Variants in ZNF875 observed in about 807,000 individuals in gnomAD.
The protein encoded by ZNF875 is zinc finger protein 875.
In ZNF875, 14 loss-of-function variants were observed where a neutral mutation model predicts 11.2. The ratio of observed to expected loss-of-function variants is 1.26; its 90% CI spans 0.83 to 1.96. The LOEUF (loss-of-function observed/expected upper bound fraction) is 1.96, where lower values mean the gene tolerates loss of function less well. Ranked by LOEUF, ZNF875 falls within the 30% of genes most tolerant of loss-of-function variation. ZNF875 has a pLI of 0.00. For missense variants in ZNF875, 752 were observed against 760.4 expected (o/e 0.99, Z 0.13); for synonymous variants, 301 against 281.1 (o/e 1.07, Z -0.71).
rs758372853 is a variant in ZNF875, at chr19:37,362,840, C to T, written c.988C>T (p.Arg330Trp). 1.5e-5 allele frequency: 24 copies of T among 1,612,674 alleles called. No homozygotes were observed. Among genetic ancestry groups the T allele is most frequent in the Middle Eastern group, 3.3e-4 (2 of 6,066 alleles). Residue 330 changes from arginine to tryptophan, a missense_variant, in exon 5 of 5, where the codon CGG becomes TGG. Physicochemically the swap from Arg to Trp is moderately radical, Grantham distance 101. Transcript: ENST00000392153. ...TWKSNLFTHQRTHSGLKPYVC... is the reference protein window; with the variant it reads ...TWKSNLFTHQWTHSGLKPYVC... ...GAAGTCGAACCTCTTTACACATCAG[C>T]GGACACACTCAGGGCTCAAGCCTTA...
chr19:37,323,844 C>T (rs745790760), intron 3 of ZNF875, among the ~76,000 whole-genome samples: 31 of 152,282 alleles, frequency 2.0e-4, no homozygotes, highest in Admixed American at 9.8e-4. Flanking sequence ...GCTGTGGGGA[C>T]GGTGGTTTGA....
At chr19:37,339,756 G>A (rs997742088) in intron 2 of ZNF875, among the ~76,000 whole-genome samples, 1 of 151,414 alleles carries the variant, frequency 6.6e-6, no homozygotes, top group Non-Finnish European at 1.5e-5. Context: ...GTAGAGACAG[G>A]GTTTCACCAT....
At chr19:37,335,855 C>G (rs555015813) in intron 2 of ZNF875, among the ~76,000 whole-genome samples, 1 of 152,138 alleles carries the variant, frequency 6.6e-6, no homozygotes, top group African/African-American at 2.4e-5. Flanking sequence ...TGGTCACAAT[C>G]CCTTTGGTCT....
At chr19:37,346,965 G>C (rs2036899545) in intron 2 of ZNF875, 1 of 455,700 alleles carries the variant, frequency 2.2e-6, no homozygotes, top group Non-Finnish European at 4.1e-6. Flanking sequence ...TTACAGGCAT[G>C]CGCCACCACA....
upstream of ZNF875, chr19:37,314,770 A>G (rs1293203446): frequency 6.7e-6 from 1 of 150,138 alleles, no homozygotes; most frequent in African/African-American, 2.5e-5. Context: ...AAAAAAAAAG[A>G]AGAAGAAGTA....
rs1568634792 is a variant in ZNF875, at chr19:37,354,230, CCTCCTCTCCCCTCCT to C, written c.256+6363_256+6377del. Among the ~76,000 whole-genome samples, 416 of 60,542 alleles carry C rather than the reference CCTCCTCTCCCCTCCT, an allele frequency of 6.9e-3. 10 individuals carry two copies. The highest frequency in any genetic ancestry group is 0.065 in the East Asian group (125 of 1,924). The allele number at this position is 60,542 out of a possible 152,430, so 39.7% of individuals were successfully genotyped here. The stretch of plus-strand genomic sequence containing the variant: ...CAGTTGTTTTTTTCTTTCCCCCTCC[CCTCCTCTCCCCTCCT>C]CTCCCCTCCCCTCCCCTCCCCTCCC... On this transcript the variant is annotated intron_variant, in intron 4 of 4. Transcript: ENST00000392153.
In ZNF875 at chr19:37,363,792, G is replaced by A; in HGVS notation, c.*17G>A. On this transcript the variant is annotated 3_prime_UTR_variant, in exon 5 of 5. Coordinates refer to ENST00000392153, the MANE Select transcript of ZNF875 (RefSeq NM_001353803.2). ...TCAGGATAGAAACTTTATGTGTATAGGGAATGTGGTACAGCCTTTAGCCAG... is the reference window on the plus strand; with the variant it reads ...TCAGGATAGAAACTTTATGTGTATAAGGAATGTGGTACAGCCTTTAGCCAG... The A allele has an allele frequency of 6.2e-7, 1 of 1,600,380 alleles. No homozygotes were observed. Among genetic ancestry groups the A allele is most frequent in the Non-Finnish European group, 8.6e-7 (1 of 1,168,188 alleles).
At chr19:37,353,058 G>C (rs996409030) in intron 4 of ZNF875, among the ~76,000 whole-genome samples, 1 of 151,778 alleles carries the variant, frequency 6.6e-6, no homozygotes, top group Non-Finnish European at 1.5e-5. Context: ...ATTGTCAGTA[G>C]AGATGGGATT....
At chr19:37,353,667 T>A (rs2038352270) in intron 4 of ZNF875, among the ~76,000 whole-genome samples, 1 of 152,244 alleles carries the variant, frequency 6.6e-6, no homozygotes, top group Admixed American at 6.5e-5. Flanking sequence ...GAAAATTAAC[T>A]GGAGATAGAA....
chr19:37,346,021 T>C (rs1243125947), intron 2 of ZNF875, among the ~76,000 whole-genome samples: 1 of 152,246 alleles, frequency 6.6e-6, no homozygotes, highest in Non-Finnish European at 1.5e-5. Flanking sequence ...TTGCAGATTC[T>C]GTTGTAGACA....
At chr19:37,361,452 T>A (rs774436410) in intron 4 of ZNF875, among the ~76,000 whole-genome samples, 1 of 152,008 alleles carries the variant, frequency 6.6e-6, no homozygotes, top group Non-Finnish European at 1.5e-5. Flanking sequence ...TCCTTTTCCT[T>A]CTCCTCCTCC....
chr19:37,320,350 T>A (rs1392177311), intron 1 of ZNF875, among the ~76,000 whole-genome samples: 1 of 152,174 alleles, frequency 6.6e-6, no homozygotes, highest in Non-Finnish European at 1.5e-5. Flanking sequence ...CCACAGCAGT[T>A]TTTATGTCAT....
At chr19:37,326,929 A>G (rs1205681582) in intron 4 of ZNF875, among the ~76,000 whole-genome samples, 1 of 151,944 alleles carries the variant, frequency 6.6e-6, no homozygotes, top group African/African-American at 2.4e-5. Flanking sequence ...CAGCCTCCCA[A>G]AGTGCTGGGA....
At chr19:37,351,001 A>G (rs2037798212) in intron 4 of ZNF875, among the ~76,000 whole-genome samples, 1 of 151,602 alleles carries the variant, frequency 6.6e-6, no homozygotes, top group South Asian at 2.1e-4. Flanking sequence ...ACGGGGTTTC[A>G]CCATGTTGGC....
At chr19:37,347,127 A>G in intron 2 of ZNF875, 63 bp from the exon 3 acceptor site, 1 of 1,610,770 alleles carries the variant, frequency 6.2e-7, no homozygotes, top group South Asian at 1.1e-5. Context: ...TTGACCTCTC[A>G]TTCTAAAGTG....
At chr19:37,359,404 C>A in intron 4 of ZNF875, 2 of 208,896 alleles carry the variant, frequency 9.6e-6, no homozygotes, top group Non-Finnish European at 1.9e-5. Flanking sequence ...AATATATAGT[C>A]TTTTCTTTTT....
intron 4 of ZNF875, 119 bp from the exon 5 acceptor site, chr19:37,361,990 A>G: frequency 3.0e-6 from 2 of 664,264 alleles, no homozygotes; most frequent in Non-Finnish European, 5.4e-6. Flanking sequence ...AAGGATGTCT[A>G]ACTGGGAGAT....
intron 2 of ZNF875, among the ~76,000 whole-genome samples, chr19:37,344,378 C>G (rs887885473): frequency 6.6e-6 from 1 of 152,128 alleles, no homozygotes; most frequent in Non-Finnish European, 1.5e-5. Context: ...TTATTTCTAA[C>G]AAGTTCCCAG....
chr19:37,353,427 C>T (rs1409291767), intron 4 of ZNF875, among the ~76,000 whole-genome samples: 1 of 152,098 alleles, frequency 6.6e-6, no homozygotes, highest in African/African-American at 2.4e-5. Flanking sequence ...TTTAAGCCAT[C>T]GTATAGTAAT....
Sources: gnomAD v4.1 joint callset for allele counts (sites outside exome capture counted in the v4.1 genomes callset) on GRCh38, gnomAD v4.1.1 for gene constraint, MANE v1.5 for transcripts, NCBI Gene and HGNC (gene_info 2026-07-23, HGNC 2026-07-21) for gene names.